Variants in CARMIL1 observed in about 807,000 individuals in gnomAD.
The protein encoded by CARMIL1 is F-actin-uncapping protein LRRC16A.
CARMIL1 carries 90 observed loss-of-function variants against 177.1 expected under a neutral mutation model. The observed-to-expected ratio is 0.51, with a 90% CI of 0.43 to 0.61. The LOEUF is 0.61. CARMIL1 is among the 20% of genes least tolerant of loss of function. The probability of loss-of-function intolerance (pLI) is 0.00; values close to 1 mark genes in which losing one functional copy is unlikely to be tolerated. For missense variants in CARMIL1, 1,380 were observed against 1,667.0 expected (o/e 0.83, Z 3.00); for synonymous variants, 577 against 606.2 (o/e 0.95, Z 0.71).
intron 23 of CARMIL1, chr6:25,527,769 T>C: frequency 2.6e-6 from 1 of 386,540 alleles, no homozygotes; most frequent in South Asian, 2.0e-5. Flanking sequence ...GGGATCGTAA[T>C]TATAGTCTGT....
intron 31 of CARMIL1, among the ~76,000 whole-genome samples, chr6:25,588,219 C>T (rs577202927): frequency 2.0e-5 from 3 of 152,150 alleles, no homozygotes; most frequent in Non-Finnish European, 2.9e-5. Flanking sequence ...CAGTCCCCCT[C>T]GGATACTGAA....
rs554433297 is a variant in CARMIL1 at position 25,413,707 on chromosome 6, A to G, written c.139-6407A>G. ...AATGTGGTTTGCATGTTAAGGCTGCAGTGGAAAAATGGGCCTTCCCAGGGG... is the reference window on the plus strand; with the variant it reads ...AATGTGGTTTGCATGTTAAGGCTGCGGTGGAAAAATGGGCCTTCCCAGGGG... On this transcript the variant is annotated intron_variant, in intron 2 of 36. Transcript: ENST00000329474. Among the ~76,000 whole-genome samples the G allele has an allele frequency of 1.2e-4, 18 of 152,314 alleles. No homozygotes were observed. The East Asian group carries it at 3.5e-3, about 29-fold the overall frequency.
chr6:25,539,360 C>T (rs1054071165), intron 25 of CARMIL1, among the ~76,000 whole-genome samples: 41 of 152,016 alleles, frequency 2.7e-4, no homozygotes, highest in Non-Finnish European at 5.7e-4. Context: ...TTAGTGTATG[C>T]AGAGAACTGG....
At chr6:25,538,940 A>G (rs1808608316) in intron 25 of CARMIL1, among the ~76,000 whole-genome samples, 1 of 152,068 alleles carries the variant, frequency 6.6e-6, no homozygotes, top group South Asian at 2.1e-4. Flanking sequence ...AAATCTCTAA[A>G]CAGTAGGCTT....
chr6:25,470,712 C>A (rs543508194), intron 9 of CARMIL1, among the ~76,000 whole-genome samples: 2 of 152,264 alleles, frequency 1.3e-5, no homozygotes, highest in South Asian at 4.1e-4. Context: ...TTCTTGTTCA[C>A]AGGTGGTGCC....
intron 2 of CARMIL1, among the ~76,000 whole-genome samples, chr6:25,305,586 C>T (rs6932783): frequency 0.061 from 9,327 of 152,234 alleles, 497 homozygotes; most frequent in East Asian, 0.29. Flanking sequence ...ATATGGTCTG[C>T]GGCTCTAAGA....
chr6:25,318,721 G>A (rs1480603542), intron 2 of CARMIL1, among the ~76,000 whole-genome samples: 1 of 152,104 alleles, frequency 6.6e-6, no homozygotes, highest in African/African-American at 2.4e-5. Context: ...TGGGAGCTGC[G>A]TTCCCTTTGC....
rs182639255 is a variant in CARMIL1 at position 25,417,016 on chromosome 6, G to A, written c.139-3098G>A. Among the ~76,000 whole-genome samples the A allele has an allele frequency of 5.2e-4, 79 of 152,224 alleles. 1 individual carries two copies. Among genetic ancestry groups the A allele is most frequent in the African/African-American group, 1.9e-3 (77 of 41,528 alleles). On this transcript the variant is annotated intron_variant, in intron 2 of 36. Transcript: ENST00000329474. The stretch of plus-strand genomic sequence containing the variant: ...GAGAAATGGTGAGAATAGGGGACTG[G>A]CTTCCTATAGCCATGCTTATGATCA...
chr6:25,340,782 T>G (rs1445233778), intron 2 of CARMIL1, among the ~76,000 whole-genome samples: 34 of 94,796 alleles, frequency 3.6e-4, no homozygotes, highest in Admixed American at 1.2e-3. Flanking sequence ...TGAAGGTTTT[T>G]TTTTTTTTTT....
intron 31 of CARMIL1, among the ~76,000 whole-genome samples, chr6:25,586,919 G>A (rs551991879): frequency 1.3e-4 from 20 of 151,874 alleles, no homozygotes; most frequent in Non-Finnish European, 2.2e-4. Flanking sequence ...GTCCAGCCTC[G>A]GCTCGGCATC....
chr6:25,281,136 G>GCGCGCACACACACACACACA (rs10642536), intron 1 of CARMIL1, among the ~76,000 whole-genome samples: 35 of 132,194 alleles, frequency 2.6e-4, no homozygotes, highest in East Asian at 9.6e-4. Flanking sequence ...GTGCGCGCGC[G>GCGCGCACACACACACACACA]CACACACACA....
intron 29 of CARMIL1, among the ~76,000 whole-genome samples, chr6:25,576,580 G>A (rs772136360): frequency 5.3e-5 from 8 of 152,164 alleles, no homozygotes; most frequent in Non-Finnish European, 1.2e-4. Context: ...GGACTTGCAT[G>A]GGGTTCTTTA....
At chr6:25,575,935 G>A (rs1192903970) in intron 29 of CARMIL1, among the ~76,000 whole-genome samples, 1 of 151,994 alleles carries the variant, frequency 6.6e-6, no homozygotes, top group Non-Finnish European at 1.5e-5. Flanking sequence ...GAAAATAATT[G>A]ACATGAAAAA....
chr6:25,328,706 C>T lies in CARMIL1; in HGVS notation c.138+43797C>T, dbSNP rs1266677101. On this transcript the variant is annotated intron_variant, in intron 2 of 36. Transcript: ENST00000329474. ...GCTTTGGAGCCACTTTCCTCAGAGC[C>T]TCCATTTGCCTCACCTCTTCTTGCC... Among the ~76,000 whole-genome samples the T allele has an allele frequency of 2.6e-5, 4 of 152,254 alleles. No homozygotes were observed. The East Asian group carries it at 7.7e-4, about 29-fold the overall frequency.
rs564098436 is a variant in CARMIL1, at chr6:25,448,977, A to G, written c.372-921A>G. Reference sequence around the variant, plus strand: ...ACCTAGGTTGGAGTGCAGTGGTGCAATCTAACTGCAGCCTCTACCTCCCAT... The same window carrying G: ...ACCTAGGTTGGAGTGCAGTGGTGCAGTCTAACTGCAGCCTCTACCTCCCAT... On this transcript the variant is annotated intron_variant, in intron 5 of 36. Transcript: ENST00000329474. Among the ~76,000 whole-genome samples, 3 of 146,636 alleles carry G rather than the reference A, an allele frequency of 2.0e-5. No homozygotes were observed. The East Asian group carries it at 6.0e-4, about 29-fold the overall frequency.
intron 16 of CARMIL1, among the ~76,000 whole-genome samples, chr6:25,499,055 G>A (rs1804036068): frequency 6.6e-6 from 1 of 152,136 alleles, no homozygotes; most frequent in African/African-American, 2.4e-5. Flanking sequence ...GCCCCTATGT[G>A]TTCCATGCCA....
intron 2 of CARMIL1, among the ~76,000 whole-genome samples, chr6:25,339,142 T>C (rs574753028): frequency 2.0e-5 from 3 of 152,324 alleles, no homozygotes; most frequent in South Asian, 4.1e-4. Context: ...ACCTGTATTA[T>C]GGACAGGTGG....
chr6:25,575,033 T>A (rs147824399), intron 29 of CARMIL1, among the ~76,000 whole-genome samples: 1 of 152,236 alleles, frequency 6.6e-6, no homozygotes, highest in African/African-American at 2.4e-5. Flanking sequence ...TTTATTATCT[T>A]ATTTAATCCT....
At chr6:25,608,528 TCCCAATATTC>T (rs1046581056) in intron 35 of CARMIL1, among the ~76,000 whole-genome samples, 5 of 152,336 alleles carry the variant, frequency 3.3e-5, no homozygotes, top group African/African-American at 9.6e-5. Context: ...CTAGCTGAAT[TCCCAATATTC>T]TGTTGCAAGA....
Sources: gnomAD v4.1 joint callset for allele counts (sites outside exome capture counted in the v4.1 genomes callset) on GRCh38, gnomAD v4.1.1 for gene constraint, MANE v1.5 for transcripts, NCBI Gene and HGNC (gene_info 2026-07-23, HGNC 2026-07-21) for gene names.